Variants in FRYL observed in about 807,000 individuals in gnomAD.
FRYL encodes FRY like transcription coactivator.
FRYL carries 150 observed loss-of-function variants against 351.2 expected under a neutral mutation model. That is an observed-to-expected ratio of 0.43 (90% CI 0.37 to 0.49). The LOEUF (loss-of-function observed/expected upper bound fraction) is 0.49. FRYL is among the 20% of genes least tolerant of loss of function. The probability of loss-of-function intolerance (pLI) is 0.00; values close to 1 mark genes in which losing one functional copy is unlikely to be tolerated. For synonymous variants in FRYL, 1,153 were observed against 1,257.1 expected (o/e 0.92, Z 1.75); for missense variants, 3,036 against 3,619.3 (o/e 0.84, Z 4.13).
chr4:48,692,680 C>T (rs1241320500), intron 2 of FRYL, among the ~76,000 whole-genome samples: 3 of 152,062 alleles, frequency 2.0e-5, no homozygotes, highest in Non-Finnish European at 4.4e-5. Context: ...CTACTGCACC[C>T]GGCCTAAGCC....
intron 4 of FRYL, among the ~76,000 whole-genome samples, chr4:48,623,885 C>CT (rs1553954472): frequency 2.0e-5 from 3 of 152,106 alleles, no homozygotes; most frequent in Non-Finnish European, 4.4e-5. Context: ...ATATAAAATA[C>CT]CTTTTATATG....
chr4:48,727,107 T>G (rs1306722222), intron 1 of FRYL, among the ~76,000 whole-genome samples: 4 of 152,074 alleles, frequency 2.6e-5, no homozygotes, highest in Admixed American at 6.5e-5. Flanking sequence ...ATCAGTAATC[T>G]CATCTCAATT....
intron 53 of FRYL, among the ~76,000 whole-genome samples, chr4:48,526,209 T>A (rs1214277535): frequency 6.6e-6 from 1 of 152,200 alleles, no homozygotes; most frequent in African/African-American, 2.4e-5. Flanking sequence ...TAGAAAAAGA[T>A]ACATCAAGAT....
At chr4:48,531,457 G>T in intron 49 of FRYL, 104 bp from the exon 50 acceptor site, 1 of 711,218 alleles carries the variant, frequency 1.4e-6, no homozygotes, top group Non-Finnish European at 2.3e-6. Context: ...AAAAATACTT[G>T]TAAAAATTAT....
intron 3 of FRYL, among the ~76,000 whole-genome samples, chr4:48,677,072 C>T (rs866286475): frequency 6.6e-6 from 1 of 152,094 alleles, no homozygotes; most frequent in Admixed American, 6.5e-5. Flanking sequence ...ATATATTTTA[C>T]AGAGGAATAG....
intron 53 of FRYL, among the ~76,000 whole-genome samples, chr4:48,525,729 A>G (rs1237277944): frequency 6.6e-6 from 1 of 152,118 alleles, no homozygotes; most frequent in Non-Finnish European, 1.5e-5. Flanking sequence ...TATGAGTTGT[A>G]TATGTATATG....
At chr4:48,684,613 T>A (rs554790671) in intron 3 of FRYL, 60 bp downstream of exon 3, 16 of 152,320 alleles carry the variant, frequency 1.1e-4, no homozygotes, top group Middle Eastern at 3.4e-3. Context: ...ATACAGCATT[T>A]AAAAATCTTT....
In FRYL at chr4:48,499,429, C is replaced by G; in HGVS notation, c.9035G>C (p.Gly3012Ala). 3 of 1,613,986 alleles carry G rather than the reference C, an allele frequency of 1.9e-6. No homozygotes were observed. The highest frequency in any genetic ancestry group is 2.5e-6 in the Non-Finnish European group (3 of 1,179,866). ...CTAAAGGCCTGAAGTGTCTCAGAAT[C>G]CAGTGCTCACCATATTTCCCATTGG... ...AKPMGNMVST[G>A]F is the part of the protein sequence containing the mutation. Residue 3012 changes from glycine (G) to alanine (A), a missense_variant, in exon 64 of 64, where the codon GGA (glycine) becomes GCA (alanine). Physicochemically the swap from Gly to Ala is moderately conservative, Grantham distance 60. Transcript: ENST00000358350.
At position 48,499,686 on chromosome 4, in the gene FRYL, A is replaced by T. The variant is rs747276420; in HGVS notation, c.8784-6T>A. 6.2e-7 allele frequency: 1 copy of T among 1,612,140 alleles called. No homozygotes were observed. The highest frequency in any genetic ancestry group is 1.1e-5 in the South Asian group (1 of 90,850). ...TATCACTGGGCCAGAGAGATCTGAA[A>T]ATACACAATAGTTTTTCAGTTCTGA... On this transcript the variant is annotated splice_polypyrimidine_tract_variant and splice_region_variant and intron_variant, in intron 63 of 63. Coordinates refer to ENST00000358350, the MANE Select transcript of FRYL (RefSeq NM_015030.2).
intron 1 of FRYL, among the ~76,000 whole-genome samples, chr4:48,763,106 T>A (rs1353939593): frequency 2.0e-4 from 18 of 91,522 alleles, no homozygotes; most frequent in South Asian, 4.7e-4. Context: ...TACAGATCTG[T>A]AAAAAAAAAA....
At chr4:48,612,606 G>T (rs546599213) in intron 7 of FRYL, among the ~76,000 whole-genome samples, 1 of 151,198 alleles carries the variant, frequency 6.6e-6, no homozygotes, top group Non-Finnish European at 1.5e-5. Context: ...AGACAGTCTC[G>T]CTCTGTCACC....
At chr4:48,505,273 C>A in intron 60 of FRYL, 1 of 378,822 alleles carries the variant, frequency 2.6e-6, no homozygotes, top group African/African-American at 2.0e-5. Flanking sequence ...AACTTAAAAG[C>A]CGACCTGGAC....
At chr4:48,645,124 T>TATATATA (rs1756133820) in intron 3 of FRYL, among the ~76,000 whole-genome samples, 7 of 105,468 alleles carry the variant, frequency 6.6e-5, no homozygotes, top group African/African-American at 9.2e-5. Flanking sequence ...AGCTTTCATT[T>TATATATA]TATATATATA....
intron 55 of FRYL, among the ~76,000 whole-genome samples, chr4:48,516,290 G>A (rs1341768262): frequency 6.6e-6 from 1 of 152,112 alleles, no homozygotes; most frequent in Non-Finnish European, 1.5e-5. Context: ...TCTATCCACC[G>A]TAATGTTACT....
intron 33 of FRYL, among the ~76,000 whole-genome samples, chr4:48,560,224 A>G (rs1461474080): frequency 6.6e-6 from 1 of 152,214 alleles, no homozygotes; most frequent in Non-Finnish European, 1.5e-5. Flanking sequence ...TTAAAGTGGC[A>G]AAGTTTATGC....
intron 1 of FRYL, among the ~76,000 whole-genome samples, chr4:48,768,291 AAAG>A (rs1408424743): frequency 2.6e-5 from 4 of 152,364 alleles, no homozygotes; most frequent in South Asian, 2.1e-4. Context: ...AGATTTTTAC[AAAG>A]AAGGACAGAT....
intron 37 of FRYL, 57 bp downstream of exon 37, chr4:48,551,437 G>A (rs1732723331): frequency 3.3e-6 from 3 of 897,746 alleles, no homozygotes; most frequent in Non-Finnish European, 3.4e-6. Flanking sequence ...CATTTATTCT[G>A]ATGACAACCA....
intron 4 of FRYL, 109 bp from the exon 5 acceptor site, chr4:48,623,288 G>A (rs762397418): frequency 2.1e-5 from 13 of 623,222 alleles, no homozygotes; most frequent in Middle Eastern, 4.5e-4. Flanking sequence ...GGTTTTGCTC[G>A]TTTTCACTTG....
In FRYL at chr4:48,582,479, T is replaced by C. The variant is rs766663961; in HGVS notation, c.1986+18A>G. ...GCACTGACCACATACAAAAGGACAA[T>C]AGAAAAGAATCTGGTACCTGAGTGT... On this transcript the variant is annotated intron_variant, in intron 20 of 63. Coordinates refer to ENST00000358350, the MANE Select transcript of FRYL (RefSeq NM_015030.2). 2.9e-5 allele frequency: 44 copies of C among 1,510,378 alleles called. No homozygotes were observed. In the Admixed American group the frequency reaches 4.5e-4, roughly 16 times the overall value. The allele number at this position is 1,510,378 out of a possible 1,614,324, so 93.6% of individuals were successfully genotyped here.
Sources: allele counts gnomAD v4.1 joint callset (sites outside exome capture counted in the v4.1 genomes callset), GRCh38; gene constraint gnomAD v4.1.1; transcripts MANE v1.5; gene names NCBI Gene and HGNC (gene_info 2026-07-23, HGNC 2026-07-21).